Variants in KSR1 observed in about 807,000 individuals in gnomAD.
The protein encoded by KSR1 is kinase suppressor of ras.
KSR1 carries 35 observed loss-of-function variants against 92.9 expected under a neutral mutation model. The ratio of observed to expected loss-of-function variants is 0.38; its 90% confidence interval spans 0.29 to 0.50. The LOEUF (loss-of-function observed/expected upper bound fraction) is 0.50. Among genes scored for constraint, KSR1 ranks in the 20% least tolerant of loss-of-function variants. The pLI is 0.94. For synonymous variants in KSR1, 467 were observed against 472.6 expected (o/e 0.99, Z 0.15); for missense variants, 972 against 1,158.5 (o/e 0.84, Z 2.34).
In KSR1 at chr17:27,550,588, T is replaced by C. The variant is rs558541953; in HGVS notation, c.252T>C (p.Ile84=). The C allele has an allele frequency of 1.0e-5, 8 of 765,040 alleles. No homozygotes were observed. In the East Asian group the frequency reaches 1.7e-4, roughly 16 times the overall value. 47.4% of individuals were successfully genotyped at this position (765,040 alleles called of 1,614,324 possible). ...RTLEAKLVRY[I]CKQRQCKLSV... ...TGCAGGCGAAGCTGGTCCGTTACATTTGTAAGCAGAGGCAGTGCAAGCTGA... is the reference window on the plus strand; with the variant it reads ...TGCAGGCGAAGCTGGTCCGTTACATCTGTAAGCAGAGGCAGTGCAAGCTGA... The change falls in exon 2 of 21, where the codon ATT becomes ATC. Residue 84 remains isoleucine, a synonymous_variant. Coordinates refer to ENST00000644974, the MANE Select transcript of KSR1 (RefSeq NM_001394583.1).
intron 1 of KSR1, among the ~76,000 whole-genome samples, chr17:27,530,435 A>G (rs912113585): frequency 2.0e-5 from 3 of 150,584 alleles, no homozygotes; most frequent in Non-Finnish European, 4.4e-5. Context: ...ACAGAGTGAG[A>G]CCCTGTCTCA....
Position 27,606,106 on chromosome 17 carries a change from G to A in KSR1, c.1994+293G>A, listed in dbSNP as rs115407141. Among the ~76,000 whole-genome samples the A allele has an allele frequency of 3.5e-3, 538 of 152,074 alleles. 3 individuals are homozygous for A. The highest frequency in any genetic ancestry group is 0.012 in the African/African-American group (479 of 41,476). On this transcript the variant is annotated intron_variant, in intron 14 of 20. Coordinates refer to ENST00000644974, the MANE Select transcript of KSR1 (RefSeq NM_001394583.1). The stretch of plus-strand genomic sequence containing the variant: ...ACCAGCCTGGGCAACATACTGAGAC[G>A]CTGTCTCTACAAAAAAATTAGCTGG...
chr17:27,484,026 T>C (rs550053252), intron 1 of KSR1, among the ~76,000 whole-genome samples: 63 of 152,198 alleles, frequency 4.1e-4, no homozygotes, highest in African/African-American at 1.5e-3. Context: ...GGTGGGGAGC[T>C]GGGGATGTGT....
chr17:27,618,150 C>T lies in KSR1; in HGVS notation c.2627+722C>T, dbSNP rs190278175. On this transcript the variant is annotated intron_variant, in intron 19 of 20. Transcript: ENST00000644974. ...CAATATTGCTTACAATGGCACCCAC[C>T]GAAACACAAGAAGCCAGCCACCTCT... 1.2e-4 allele frequency among the ~76,000 whole-genome samples: 19 copies of T among 152,226 alleles called. No individual in the cohort carries two copies. The East Asian group carries it at 2.9e-3, about 23-fold the overall frequency.
intron 1 of KSR1, among the ~76,000 whole-genome samples, chr17:27,532,511 C>T (rs2151046033): frequency 6.6e-6 from 1 of 152,346 alleles, no homozygotes; most frequent in South Asian, 2.1e-4. Flanking sequence ...TCTTATGCAA[C>T]AGTGAGTGCG....
At chr17:27,529,375 T>C (rs916024629) in intron 1 of KSR1, among the ~76,000 whole-genome samples, 1 of 152,260 alleles carries the variant, frequency 6.6e-6, no homozygotes, top group Non-Finnish European at 1.5e-5. Context: ...TAAGTTACAC[T>C]TCCGTGAATA....
chr17:27,466,034 C>A (rs1201497681), intron 1 of KSR1, among the ~76,000 whole-genome samples: 1 of 152,232 alleles, frequency 6.6e-6, no homozygotes, highest in African/African-American at 2.4e-5. Flanking sequence ...TCAGCCATCT[C>A]CCTCCTGAAG....
intron 1 of KSR1, among the ~76,000 whole-genome samples, chr17:27,531,936 G>A (rs565805791): frequency 2.6e-4 from 39 of 152,312 alleles, no homozygotes; most frequent in African/African-American, 9.4e-4. Flanking sequence ...TAGACCACTC[G>A]CTCACAGCAG....
intron 3 of KSR1, chr17:27,579,913 T>TAAA (rs2072679451): frequency 3.8e-5 from 1 of 26,632 alleles, no homozygotes; most frequent in South Asian, 1.2e-3. Flanking sequence ...AAAAAAAAAG[T>TAAA]GAGTGAAGGA....
chr17:27,561,275 T>C (rs531068605), intron 2 of KSR1, among the ~76,000 whole-genome samples: 1 of 152,204 alleles, frequency 6.6e-6, no homozygotes, highest in Non-Finnish European at 1.5e-5. Flanking sequence ...CTGTATGATA[T>C]GTAGTTGTGT....
chr17:27,493,871 C>T (rs2068899269), intron 1 of KSR1, among the ~76,000 whole-genome samples: 2 of 152,166 alleles, frequency 1.3e-5, no homozygotes, highest in Admixed American at 6.5e-5. Context: ...GCAAAACAAC[C>T]TCTGCCTCAG....
intron 1 of KSR1, among the ~76,000 whole-genome samples, chr17:27,507,120 A>C (rs2069415180): frequency 6.6e-6 from 1 of 152,200 alleles, no homozygotes; most frequent in Admixed American, 6.5e-5. Context: ...TTCAGAAGAC[A>C]ATATGAACAA....
In KSR1 at chr17:27,577,482, G is replaced by A; in HGVS notation, c.373-10G>A. 2 of 1,488,026 alleles carry A rather than the reference G, an allele frequency of 1.3e-6. No individual in the cohort carries two copies. Among genetic ancestry groups the A allele is most frequent in the South Asian group, 2.4e-5 (2 of 83,356 alleles). The allele number at this position is 1,488,026 out of a possible 1,614,324, so 92.2% of individuals were successfully genotyped here. On this transcript the variant is annotated splice_polypyrimidine_tract_variant and intron_variant, in intron 2 of 20. Transcript: ENST00000644974. The surrounding 1 kb of genome is among the most constrained non-coding windows in gnomAD (Gnocchi z 4.5). Reference sequence around the variant, plus strand: ...TCACCGCCTCTCTGCCTGTCCCTCTGTCCCCTTAGGAGATCCCCCGAGACC... The same window carrying A: ...TCACCGCCTCTCTGCCTGTCCCTCTATCCCCTTAGGAGATCCCCCGAGACC...
chr17:27,471,791 G>C (rs1365404710), intron 1 of KSR1, among the ~76,000 whole-genome samples: 1 of 152,210 alleles, frequency 6.6e-6, no homozygotes, highest in Non-Finnish European at 1.5e-5. Context: ...TAGTGGGGGA[G>C]TTTGTGGATG....
chr17:27,581,180 G>C (rs2072737490), intron 3 of KSR1, among the ~76,000 whole-genome samples: 2 of 152,216 alleles, frequency 1.3e-5, no homozygotes, highest in Non-Finnish European at 2.9e-5. Context: ...GCAAAAGCAA[G>C]AGCGAGAGGG....
rs2074281295 is a variant in KSR1 at position 27,623,539 on chromosome 17, A to T, written c.*147A>T. 1 of 671,424 alleles carries T rather than the reference A, an allele frequency of 1.5e-6. No individual in the cohort carries two copies. The highest frequency in any genetic ancestry group is 2.7e-6 in the Non-Finnish European group (1 of 375,050). The allele number at this position is 671,424 out of a possible 1,614,324, so 41.6% of individuals were successfully genotyped here. On this transcript the variant is annotated 3_prime_UTR_variant, in exon 21 of 21. Coordinates refer to ENST00000644974, the MANE Select transcript of KSR1 (RefSeq NM_001394583.1). Reference sequence around the variant, plus strand: ...CCTAGATTCAGACTGTTGGCCATAAACCCCACTCGGGAGATGGAGCTGCAC... The same window carrying T: ...CCTAGATTCAGACTGTTGGCCATAATCCCCACTCGGGAGATGGAGCTGCAC...
intron 1 of KSR1, among the ~76,000 whole-genome samples, chr17:27,545,221 A>G (rs1047941539): frequency 2.0e-5 from 3 of 151,966 alleles, no homozygotes; most frequent in Non-Finnish European, 2.9e-5. Context: ...AAAAAAAGAA[A>G]CCGCTTGCTC....
At chr17:27,623,254 T>C (rs1204947580) in intron 20 of KSR1, 60 bp from the exon 21 acceptor site, 36 of 733,354 alleles carry the variant, frequency 4.9e-5, no homozygotes, top group Non-Finnish European at 9.0e-5. Context: ...TAGCTAGTGT[T>C]ACCCTAATTC....
Position 27,559,844 on chromosome 17 carries a change from G to C in KSR1, c.372+9136G>C, listed in dbSNP as rs1049919308. 6.6e-6 allele frequency among the ~76,000 whole-genome samples: 1 copy of C among 152,278 alleles called. No individual in the cohort carries two copies. The highest frequency in any genetic ancestry group is 2.4e-5 in the African/African-American group (1 of 41,478). Reference sequence around the variant, plus strand: ...GTGAAGCGCGTGAGGAGGAGTCTGTGAGGAGGCTGGCGGGGAGCCGGGGTG... The same window carrying C: ...GTGAAGCGCGTGAGGAGGAGTCTGTCAGGAGGCTGGCGGGGAGCCGGGGTG... On this transcript the variant is annotated intron_variant, in intron 2 of 20. Transcript: ENST00000644974. The surrounding 1 kb of genome is among the most constrained non-coding windows in gnomAD (Gnocchi z 4.2).
Sources: allele counts gnomAD v4.1 joint callset (sites outside exome capture counted in the v4.1 genomes callset), GRCh38; gene constraint gnomAD v4.1.1; non-coding constraint Gnocchi (gnomAD v3.1); transcripts MANE v1.5; gene names NCBI Gene and HGNC (gene_info 2026-07-23, HGNC 2026-07-21).